The following DYTN variants were observed in gnomAD, a reference collection of about 807,000 sequenced individuals.
DYTN encodes dystrotelin.
A neutral mutation model predicts 69.6 loss-of-function variants in DYTN; 75 were observed. The ratio of observed to expected loss-of-function variants is 1.08; its 90% confidence interval spans 0.89 to 1.31. The LOEUF (loss-of-function observed/expected upper bound fraction) is 1.31. Among genes scored for constraint, DYTN ranks in the 50% most tolerant of loss-of-function variants. The pLI is 0.00. For synonymous variants in DYTN, 252 were observed against 249.1 expected, an observed-to-expected ratio of 1.01 and a Z score of -0.11; for missense variants, 726 against 688.4, an observed-to-expected ratio of 1.05 and a Z score of -0.61.
rs1314587463 is a variant in DYTN at position 206,663,189 on chromosome 2, A to C, written c.1347T>G (p.Ala449=). ...TCTCTGGTGATTCTGGATTTCGCAG[A>C]GCATGCTCTGCATTTGTGTGACTTC... is the stretch of plus-strand genomic sequence containing the variant. ...SHRSHTNAEH[A]LRNPESPETT... The change falls in exon 11 of 12, where the codon GCT becomes GCG. Residue 449 remains alanine (A), a synonymous_variant. Transcript: ENST00000452335. The C allele has an allele frequency of 6.8e-6, 11 of 1,613,826 alleles. No homozygotes were observed. The highest frequency in any genetic ancestry group is 1.3e-5 in the African/African-American group (1 of 74,918).
intron 9 of DYTN, among the ~76,000 whole-genome samples, chr2:206,675,583 GA>G (rs1481032574): frequency 1.3e-5 from 2 of 151,914 alleles, no homozygotes; most frequent in Non-Finnish European, 2.9e-5. Flanking sequence ...CTGAGAGACA[GA>G]AAAACACTTG....
intron 9 of DYTN, among the ~76,000 whole-genome samples, chr2:206,692,818 A>T (rs768918854): frequency 1.3e-5 from 2 of 150,676 alleles, no homozygotes; most frequent in Non-Finnish European, 3.0e-5. Context: ...TTTTTTTTTT[A>T]AATAAAGTAT....
At chr2:206,704,818 C>T in intron 5 of DYTN, 25 bp downstream of exon 5, 9 of 1,587,284 alleles carry the variant, frequency 5.7e-6, no homozygotes, top group Non-Finnish European at 7.8e-6. Flanking sequence ...AACAAATGTA[C>T]AGTTCTTAAG....
At chr2:206,670,669 A>G (rs1240600064) in intron 9 of DYTN, 1 of 152,222 alleles carries the variant, frequency 6.6e-6, no homozygotes, top group Non-Finnish European at 1.5e-5. Flanking sequence ...AATTCAATCT[A>G]TTTCAAAAAG....
intron 9 of DYTN, among the ~76,000 whole-genome samples, chr2:206,667,202 C>T (rs1699583104): frequency 6.6e-6 from 1 of 152,194 alleles, no homozygotes; most frequent in East Asian, 1.9e-4. Context: ...ACAAAGACGG[C>T]ACAGACCCCC....
intron 11 of DYTN, among the ~76,000 whole-genome samples, chr2:206,655,195 T>C (rs904870898): frequency 6.6e-6 from 1 of 152,154 alleles, no homozygotes; most frequent in Non-Finnish European, 1.5e-5. Flanking sequence ...CATGAGAGTG[T>C]ATTGAATTCT....
At position 206,694,941 on chromosome 2, in the gene DYTN, A is replaced by G. The variant is rs528448689; in HGVS notation, c.720-64T>C. On this transcript the variant is annotated intron_variant, in intron 7 of 11. Transcript: ENST00000452335. ...AGATGAGAAAAAAAAAAAAAAAAGA[A>G]TATCCAGGTAGAGAATGAGCAACCC... 104 of 1,233,920 alleles carry G rather than the reference A, an allele frequency of 8.4e-5. No homozygotes were observed. In the African/African-American group the frequency reaches 1.3e-3, roughly 16 times the overall value. 76.4% of individuals were successfully genotyped at this position (1,233,920 alleles called of 1,614,324 possible). A position where few individuals can be genotyped will look rare whatever the true frequency, so the allele number is the denominator to read the frequency against.
At chr2:206,667,995 C>T (rs570040875) in intron 9 of DYTN, among the ~76,000 whole-genome samples, 1 of 152,176 alleles carries the variant, frequency 6.6e-6, no homozygotes, top group Non-Finnish European at 1.5e-5. Flanking sequence ...AGCCCTCTAA[C>T]TTCCAGACAG....
chr2:206,686,376 A>T (rs1699805824), intron 9 of DYTN: 6 of 152,372 alleles, frequency 3.9e-5, no homozygotes, highest in African/African-American at 1.4e-4. Flanking sequence ...ATTGTAATTT[A>T]AGGAGTCCAT....
chr2:206,706,150 A>T (rs1034608615), intron 3 of DYTN, among the ~76,000 whole-genome samples: 4 of 152,178 alleles, frequency 2.6e-5, no homozygotes, highest in African/African-American at 9.7e-5. Context: ...GGATGCAGGG[A>T]TAAACCCTGT....
chr2:206,663,835 C>T (rs139366044), intron 10 of DYTN, among the ~76,000 whole-genome samples: 5 of 152,322 alleles, frequency 3.3e-5, no homozygotes, highest in African/African-American at 7.2e-5. Flanking sequence ...CCGCTTGAAG[C>T]ACAGTTCTCA....
In DYTN at chr2:206,717,985, A is replaced by C. The variant is rs144121980; in HGVS notation, c.19+276T>G. 5.9e-5 allele frequency among the ~76,000 whole-genome samples: 9 copies of C among 152,334 alleles called. No individual in the cohort carries two copies. The East Asian group carries it at 1.7e-3, about 29-fold the overall frequency. Reference sequence around the variant, plus strand: ...AAAACTAAGGTAATAGTTTCTGTGTATTTGAATAGCAATTCAAATGTAATT... The same window carrying C: ...AAAACTAAGGTAATAGTTTCTGTGTCTTTGAATAGCAATTCAAATGTAATT... On this transcript the variant is annotated intron_variant, in intron 1 of 11. Coordinates refer to ENST00000452335, the MANE Select transcript of DYTN (RefSeq NM_001093730.1).
rs146558759 is a variant in DYTN at position 206,705,612 on chromosome 2, G to A, written c.382+176C>T. Reference sequence around the variant, plus strand: ...GAACAACCAAGAAACAAGTAATTAGGAAGTGTAAATTTTGAAAAATTCCAA... The same window carrying A: ...GAACAACCAAGAAACAAGTAATTAGAAAGTGTAAATTTTGAAAAATTCCAA... On this transcript the variant is annotated intron_variant, in intron 4 of 11. Transcript: ENST00000452335. Among the ~76,000 whole-genome samples, 283 of 152,294 alleles carry A rather than the reference G, an allele frequency of 1.9e-3. No individual in the cohort carries two copies. In the Middle Eastern group the frequency reaches 0.044, roughly 24 times the overall value.
chr2:206,663,241 T>C lies in DYTN; in HGVS notation c.1295A>G (p.Lys432Arg). Residue 432 changes from lysine to arginine, a missense_variant, in exon 11 of 12, where the codon AAG (lysine) becomes AGG (arginine). Coordinates refer to ENST00000452335, the MANE Select transcript of DYTN (RefSeq NM_001093730.1). ...EDASTGEPLP[K>R]LDEVDRSHRS... ...GTGACTTCTGTCAACCTCATCAAGC[T>C]TAGGAAGAGGTTCCCCTGTTGAAGC... The C allele has an allele frequency of 1.2e-6, 2 of 1,614,000 alleles. No homozygotes were observed. Among genetic ancestry groups the C allele is most frequent in the Non-Finnish European group, 1.7e-6 (2 of 1,179,890 alleles).
At chr2:206,699,967 T>C in intron 6 of DYTN, 77 bp from the exon 7 acceptor site, 1 of 1,558,026 alleles carries the variant, frequency 6.4e-7, no homozygotes, top group Non-Finnish European at 8.7e-7. Flanking sequence ...ACTCTAATTC[T>C]GTCAGTTCTG....
intron 9 of DYTN, among the ~76,000 whole-genome samples, chr2:206,680,181 AG>A (rs1253120907): frequency 6.6e-6 from 1 of 152,240 alleles, no homozygotes; most frequent in African/African-American, 2.4e-5. Flanking sequence ...AAAGCAACAG[AG>A]GAACAAAAGC....
At chr2:206,680,340 C>T (rs2105893546) in intron 9 of DYTN, among the ~76,000 whole-genome samples, 1 of 152,290 alleles carries the variant, frequency 6.6e-6, no homozygotes, top group Admixed American at 6.5e-5. Context: ...CCAGGTCCCT[C>T]CCACAACACA....
Position 206,659,465 on chromosome 2 carries a change from C to A in DYTN, c.1633+3438G>T, listed in dbSNP as rs1034667192. On this transcript the variant is annotated intron_variant, in intron 11 of 11. Coordinates refer to ENST00000452335, the MANE Select transcript of DYTN (RefSeq NM_001093730.1). ...CTGGGATTACAGGCATGAGCCACCA[C>A]GCCGGGCCCAACAATTCTCAAAAAA... Among the ~76,000 whole-genome samples, 3 of 135,436 alleles carry A rather than the reference C, an allele frequency of 2.2e-5. No homozygotes were observed. The Admixed American group carries it at 2.4e-4, about 11-fold the overall frequency. The allele number at this position is 135,436 out of a possible 152,430, so 88.9% of individuals were successfully genotyped here.
At chr2:206,663,978 T>G (rs1327752640) in intron 10 of DYTN, among the ~76,000 whole-genome samples, 2 of 151,966 alleles carry the variant, frequency 1.3e-5, no homozygotes, top group Non-Finnish European at 2.9e-5. Context: ...GCAAAATCAA[T>G]AAGTAAAGCT....
Sources: gnomAD v4.1 joint callset for allele counts (sites outside exome capture counted in the v4.1 genomes callset) on GRCh38, gnomAD v4.1.1 for gene constraint, MANE v1.5 for transcripts, NCBI Gene and HGNC (gene_info 2026-07-23, HGNC 2026-07-21) for gene names.